EPM2A: variants seen among roughly 807,000 people sequenced by gnomAD.
EPM2A encodes laforin.
A neutral mutation model predicts 26.5 loss-of-function variants in EPM2A; 21 were observed. The observed-to-expected ratio is 0.79, with a 90% confidence interval of 0.56 to 1.14. The LOEUF is 1.14. EPM2A is among the 50% of genes most tolerant of loss of function. EPM2A has a pLI of 0.00. For missense variants in EPM2A, 458 were observed against 440.8 expected (o/e 1.04, Z -0.35); for synonymous variants, 217 against 177.6 (o/e 1.22, Z -1.76).
chr6:145,560,062 T>C (rs754097828), intron 2 of EPM2A, among the ~76,000 whole-genome samples: 3 of 152,066 alleles, frequency 2.0e-5, no homozygotes, highest in Non-Finnish European at 2.9e-5. Context: ...AGGTTCTTCT[T>C]CACATCAAGT....
chr6:145,625,856 C>A lies in EPM2A; in HGVS notation c.*1560G>T. On this transcript the variant is annotated 3_prime_UTR_variant, in exon 4 of 4. Coordinates refer to ENST00000367519, the MANE Select transcript of EPM2A (RefSeq NM_005670.4). ...CTAAATAAGAGTCTCTTGCATCTAT[C>A]AATATGTGTTTGTGGAAGAAAGGAA... is the stretch of plus-strand genomic sequence containing the variant. 1 of 1,520,866 alleles carries A rather than the reference C, an allele frequency of 6.6e-7. No individual in the cohort carries two copies. The highest frequency in any genetic ancestry group is 2.1e-5 in the Admixed American group (1 of 48,450). 94.2% of individuals were successfully genotyped at this position (1,520,866 alleles called of 1,614,324 possible). A position where few individuals can be genotyped will look rare whatever the true frequency, so the allele number is the denominator to read the frequency against.
At chr6:145,587,034 T>C (rs1005894844) in intron 2 of EPM2A, among the ~76,000 whole-genome samples, 1 of 152,218 alleles carries the variant, frequency 6.6e-6, no homozygotes, top group Non-Finnish European at 1.5e-5. Flanking sequence ...ATTGAAATGT[T>C]TGAAACCCTT....
intron 1 of EPM2A, among the ~76,000 whole-genome samples, chr6:145,726,401 G>A (rs1168335488): frequency 6.6e-6 from 1 of 152,040 alleles, no homozygotes; most frequent in East Asian, 1.9e-4. Flanking sequence ...TAGATATTCT[G>A]CCCTCAAGCA....
At chr6:145,680,720 C>A (rs1389879117) in intron 2 of EPM2A, among the ~76,000 whole-genome samples, 1 of 152,160 alleles carries the variant, frequency 6.6e-6, no homozygotes. Flanking sequence ...AGGACATGAA[C>A]TCATCATTTT....
intron 2 of EPM2A, among the ~76,000 whole-genome samples, chr6:145,647,531 C>T (rs966344561): frequency 2.6e-5 from 4 of 152,186 alleles, no homozygotes; most frequent in Non-Finnish European, 5.9e-5. Flanking sequence ...GCCTCTCTTG[C>T]TCTGAATTAT....
chr6:145,410,543 T>A (rs1778630211), intron 4 of EPM2A, among the ~76,000 whole-genome samples: 1 of 152,232 alleles, frequency 6.6e-6, no homozygotes, highest in Admixed American at 6.5e-5. Context: ...GTAAAGTTAC[T>A]GCTGGAAGTT....
intron 4 of EPM2A, among the ~76,000 whole-genome samples, chr6:145,403,835 T>G (rs1778530200): frequency 6.6e-6 from 1 of 152,168 alleles, no homozygotes; most frequent in Non-Finnish European, 1.5e-5. Flanking sequence ...TTGAGGAACC[T>G]CCAAACTATA....
At chr6:145,661,881 A>T (rs13205871) in intron 2 of EPM2A, among the ~76,000 whole-genome samples, 1 of 152,200 alleles carries the variant, frequency 6.6e-6, no homozygotes, top group Non-Finnish European at 1.5e-5. Context: ...GTTCTTTCAC[A>T]TTCACTGCAT....
intron 2 of EPM2A, among the ~76,000 whole-genome samples, chr6:145,533,122 C>G (rs1037608429): frequency 6.6e-6 from 1 of 151,936 alleles, no homozygotes; most frequent in Non-Finnish European, 1.5e-5. Context: ...CAAAACACAA[C>G]AAAAAAATAC....
chr6:145,616,719 T>C (rs1406106380), intron 2 of EPM2A, among the ~76,000 whole-genome samples: 2 of 152,228 alleles, frequency 1.3e-5, no homozygotes, highest in African/African-American at 2.4e-5. Context: ...GACCTGGACA[T>C]GAGACATGGA....
chr6:145,717,546 G>C (rs1409127259), intron 1 of EPM2A, among the ~76,000 whole-genome samples: 2 of 152,168 alleles, frequency 1.3e-5, no homozygotes, highest in Non-Finnish European at 2.9e-5. Context: ...CATTCCCTTT[G>C]AAAACTGGCA....
intron 2 of EPM2A, among the ~76,000 whole-genome samples, chr6:145,511,788 A>G (rs181668789): frequency 6.6e-6 from 1 of 152,192 alleles, no homozygotes; most frequent in Non-Finnish European, 1.5e-5. Context: ...AAAGAAATAA[A>G]AGGCATTCAG....
chr6:145,387,550 G>A (rs1056059781), intron 4 of EPM2A, among the ~76,000 whole-genome samples: 2 of 152,052 alleles, frequency 1.3e-5, no homozygotes, highest in Non-Finnish European at 2.9e-5. Flanking sequence ...GGGAGAACCC[G>A]ATGTCTTGGT....
At position 145,523,529 on chromosome 6, in the gene EPM2A, T is replaced by A. The variant is rs1476826988; in HGVS notation, c.341-20954A>T. ...ACCTGAGATCAGTGATCTTTGATGT[T>A]AATATTTTAATTGTTTTGAGGTACC... On this transcript the variant is annotated intron_variant, in intron 2 of 3. Coordinates refer to the EPM2A transcript ENST00000450221. 2.0e-5 allele frequency among the ~76,000 whole-genome samples: 3 copies of A among 152,282 alleles called. No individual in the cohort carries two copies. In the East Asian group the frequency reaches 5.8e-4, roughly 29 times the overall value.
chr6:145,532,494 G>A (rs1780372271), intron 2 of EPM2A, among the ~76,000 whole-genome samples: 1 of 152,112 alleles, frequency 6.6e-6, no homozygotes, highest in Non-Finnish European at 1.5e-5. Flanking sequence ...GGCTCTCTGG[G>A]GGTGGGGGGA....
intron 3 of EPM2A, chr6:145,631,803 C>T (rs1034584110): frequency 6.6e-6 from 1 of 151,778 alleles, no homozygotes; most frequent in Non-Finnish European, 1.5e-5. Flanking sequence ...TAAAGATATG[C>T]TTTATCCAAG....
chr6:145,686,418 C>T (rs1780918513), intron 1 of EPM2A, 122 bp from the exon 2 acceptor site: 4 of 773,070 alleles, frequency 5.2e-6, no homozygotes. Flanking sequence ...TTAATCTACA[C>T]ATTTCAGTAT....
chr6:145,676,400 GCAGAAGGCAAGAAGT>G (rs968073694), intron 2 of EPM2A, among the ~76,000 whole-genome samples: 5 of 152,130 alleles, frequency 3.3e-5, no homozygotes, highest in African/African-American at 1.2e-4. Context: ...TCAAAAGGTA[GCAGAAGGCAAGAAGT>G]AACTAAGATC....
intron 4 of EPM2A, among the ~76,000 whole-genome samples, chr6:145,449,304 C>T (rs1178420035): frequency 6.6e-6 from 1 of 152,160 alleles, no homozygotes; most frequent in South Asian, 2.1e-4. Flanking sequence ...TTAGCAAACC[C>T]TTCCTCATGA....
Sources: gnomAD v4.1 joint callset for allele counts (sites outside exome capture counted in the v4.1 genomes callset) on GRCh38, gnomAD v4.1.1 for gene constraint, MANE v1.5 for transcripts, NCBI Gene and HGNC (gene_info 2026-07-23, HGNC 2026-07-21) for gene names.